Variants in TMEM117 observed in about 807,000 individuals in gnomAD.
TMEM117 encodes the protein transmembrane protein 117.
In TMEM117, 27 loss-of-function variants were observed where a neutral mutation model predicts 52.4. The ratio of observed to expected loss-of-function variants is 0.51; its 90% CI spans 0.38 to 0.71. TMEM117 has a LOEUF of 0.71. Among genes scored for constraint, TMEM117 ranks in the 30% least tolerant of loss-of-function variants. The pLI is 0.00. For synonymous variants in TMEM117, 215 were observed against 206.3 expected (o/e 1.04, Z -0.36); for missense variants, 556 against 630.5 (o/e 0.88, Z 1.26).
intron 2 of TMEM117, among the ~76,000 whole-genome samples, chr12:43,943,529 C>T (rs964119125): frequency 6.6e-6 from 1 of 152,140 alleles, no homozygotes; most frequent in Non-Finnish European, 1.5e-5. Context: ...TTCTCTCTAA[C>T]TTTAGCATTT....
At chr12:44,120,362 GC>G (rs1161151733) in intron 3 of TMEM117, among the ~76,000 whole-genome samples, 1 of 152,052 alleles carries the variant, frequency 6.6e-6, no homozygotes. Context: ...ATTTTTTCCT[GC>G]ATTATATACT....
chr12:44,259,919 A>T (rs2138536675), intron 5 of TMEM117, among the ~76,000 whole-genome samples: 1 of 152,278 alleles, frequency 6.6e-6, no homozygotes, highest in Middle Eastern at 3.4e-3. Flanking sequence ...TTAGTTAAGA[A>T]CCAATCGTTT....
chr12:43,944,724 A>G (rs1945101130), intron 3 of TMEM117, among the ~76,000 whole-genome samples: 1 of 152,124 alleles, frequency 6.6e-6, no homozygotes, highest in South Asian at 2.1e-4. Flanking sequence ...TTGGTCTGCA[A>G]TGCCTGGCTA....
chr12:44,126,943 A>G (rs1565839562), intron 3 of TMEM117, among the ~76,000 whole-genome samples: 2 of 152,260 alleles, frequency 1.3e-5, no homozygotes, highest in Non-Finnish European at 2.9e-5. Context: ...TGTTGCAACA[A>G]AATTCATGGA....
chr12:43,829,033 T>A, the TMEM117 span, among the ~76,000 whole-genome samples: 1 of 152,184 alleles, frequency 6.6e-6, no homozygotes, highest in Admixed American at 6.5e-5. Flanking sequence ...GCCTTCCTCC[T>A]GCCTCAGCCT....
At chr12:43,990,623 G>A (rs1017674352) in intron 3 of TMEM117, among the ~76,000 whole-genome samples, 2 of 152,072 alleles carry the variant, frequency 1.3e-5, no homozygotes, top group Non-Finnish European at 2.9e-5. Flanking sequence ...TTAGGATTTA[G>A]TGTGCTGGAT....
At chr12:44,195,664 ACAAAG>A (rs1005409785) in intron 4 of TMEM117, among the ~76,000 whole-genome samples, 5 of 152,170 alleles carry the variant, frequency 3.3e-5, no homozygotes, top group African/African-American at 1.2e-4. Flanking sequence ...TTGACAGGAA[ACAAAG>A]CATTTTTAGG....
chr12:44,293,708 A>G (rs924864553), intron 5 of TMEM117, among the ~76,000 whole-genome samples: 3 of 152,178 alleles, frequency 2.0e-5, no homozygotes, highest in Admixed American at 2.0e-4. Flanking sequence ...TCCCCAGTCA[A>G]CGTTTTATGC....
chr12:44,134,963 C>T (rs1313598429), intron 3 of TMEM117, among the ~76,000 whole-genome samples: 1 of 152,074 alleles, frequency 6.6e-6, no homozygotes, highest in Non-Finnish European at 1.5e-5. Context: ...ACACACCACC[C>T]ATGTTTTTTC....
chr12:43,972,488 A>G (rs1281190773), intron 3 of TMEM117, among the ~76,000 whole-genome samples: 1 of 152,184 alleles, frequency 6.6e-6, no homozygotes, highest in Non-Finnish European at 1.5e-5. Flanking sequence ...AGGGGATGCA[A>G]GTGGGTTGCC....
intron 5 of TMEM117, among the ~76,000 whole-genome samples, chr12:44,221,399 C>T (rs1949786666): frequency 6.6e-6 from 1 of 152,136 alleles, no homozygotes; most frequent in Admixed American, 6.5e-5. Flanking sequence ...TCTCTTATAG[C>T]CAGTGTGTGT....
intron 3 of TMEM117, among the ~76,000 whole-genome samples, chr12:43,990,251 G>A (rs746109477): frequency 2.0e-5 from 3 of 152,104 alleles, no homozygotes; most frequent in African/African-American, 4.8e-5. Flanking sequence ...CGTGAAAAAT[G>A]TAGATGAGCA....
At chr12:44,291,353 A>G (rs1174324740) in intron 5 of TMEM117, among the ~76,000 whole-genome samples, 1 of 102,160 alleles carries the variant, frequency 9.8e-6, no homozygotes, top group African/African-American at 3.7e-5. Context: ...ACTTTACTCA[A>G]TTTGTTTATT....
intron 5 of TMEM117, among the ~76,000 whole-genome samples, chr12:44,254,117 G>T (rs1388574552): frequency 6.6e-6 from 1 of 151,572 alleles, no homozygotes; most frequent in African/African-American, 2.4e-5. Flanking sequence ...TGGCATATGT[G>T]TGAGGAGTTG....
intron 5 of TMEM117, among the ~76,000 whole-genome samples, chr12:44,259,998 T>C (rs1429713491): frequency 6.6e-6 from 1 of 152,168 alleles, no homozygotes; most frequent in East Asian, 1.9e-4. Context: ...TAGAACACCA[T>C]GTGAAACCTC....
intron 3 of TMEM117, among the ~76,000 whole-genome samples, chr12:44,046,617 C>T (rs986573116): frequency 2.6e-5 from 4 of 152,142 alleles, no homozygotes; most frequent in African/African-American, 9.7e-5. Context: ...AAAGGGAATA[C>T]AGAATGGGTA....
At chr12:43,858,019 A>G (rs1040979042) in intron 2 of TMEM117, among the ~76,000 whole-genome samples, 63 of 152,220 alleles carry the variant, frequency 4.1e-4, no homozygotes, top group African/African-American at 1.5e-3. Flanking sequence ...AGAGGGTCAG[A>G]CTGGAATAAG....
At chr12:44,278,287 C>T (rs1304947082) in intron 5 of TMEM117, among the ~76,000 whole-genome samples, 2 of 152,142 alleles carry the variant, frequency 1.3e-5, no homozygotes, top group Non-Finnish European at 2.9e-5. Context: ...TGGAGATCAT[C>T]TTAAGAGTTT....
chr12:44,017,743 A>G (rs117585946), intron 3 of TMEM117, among the ~76,000 whole-genome samples: 1 of 152,306 alleles, frequency 6.6e-6, no homozygotes, highest in East Asian at 1.9e-4. Context: ...TAGGCTTTAT[A>G]GTCTTTCATG....
Sources: gnomAD v4.1 joint callset for allele counts (sites outside exome capture counted in the v4.1 genomes callset) on GRCh38, gnomAD v4.1.1 for gene constraint, MANE v1.5 for transcripts, NCBI Gene and HGNC (gene_info 2026-07-23, HGNC 2026-07-21) for gene names.